ARL13B: variants seen among roughly 807,000 people sequenced by gnomAD.
ARL13B encodes the protein ADP-ribosylation factor-like protein 13B.
ARL13B carries 36 observed loss-of-function variants against 56.1 expected under a neutral mutation model. That is an observed-to-expected ratio of 0.64 (90% CI 0.49 to 0.85). The LOEUF is 0.85. ARL13B is among the 40% of genes least tolerant of loss of function. The pLI, the probability that ARL13B is intolerant of heterozygous loss-of-function variation, is 0.00. For missense variants in ARL13B, 519 were observed against 507.1 expected, an observed-to-expected ratio of 1.02 and a Z score of -0.23; for synonymous variants, 178 against 171.1, an observed-to-expected ratio of 1.04 and a Z score of -0.32.
chr3:94,035,125 T>C (rs907304050), intron 3 of ARL13B, among the ~76,000 whole-genome samples: 1 of 151,748 alleles, frequency 6.6e-6, no homozygotes, highest in African/African-American at 2.4e-5. Context: ...TAGTCCCAGC[T>C]ACTCTGGAGG....
intron 1 of ARL13B, among the ~76,000 whole-genome samples, chr3:93,995,331 TC>T (rs1559970932): frequency 1.3e-5 from 2 of 152,112 alleles, no homozygotes; most frequent in Non-Finnish European, 2.9e-5. Flanking sequence ...GTTTTTTTTT[TC>T]CCCCTGTGGA....
intron 9 of ARL13B, 41 bp from the exon 10 acceptor site, chr3:94,053,146 C>A: frequency 1.3e-6 from 2 of 1,502,240 alleles, no homozygotes; most frequent in Non-Finnish European, 1.8e-6. Context: ...TCTTGATGTA[C>A]CATAACTGTT....
At position 94,002,596 on chromosome 3, in the gene ARL13B, A is replaced by G. The variant is rs920703190; in HGVS notation, c.131-1063A>G. 3.3e-5 allele frequency among the ~76,000 whole-genome samples: 5 copies of G among 152,294 alleles called. No homozygotes were observed. In the South Asian group the frequency reaches 1.0e-3, roughly 32 times the overall value. ...AAAGTTTGAACTTTTCTCTGTAGCC[A>G]TGAGTCAGTATGCCATTAATCTTTC... On this transcript the variant is annotated intron_variant, in intron 2 of 9. Transcript: ENST00000394222.
Position 93,980,273 on chromosome 3 carries a change from TC to T in ARL13B, c.-150del. On this transcript the variant is annotated 5_prime_UTR_variant, in exon 1 of 10. Transcript: ENST00000394222. ...CCACGCGGTTAGCAAGGCTTAGTGC[TC>T]GGGCCGGCCGCCTTCACTTCCCTCC... 1 of 1,001,786 alleles carries T rather than the reference TC, an allele frequency of 1.0e-6. No homozygotes were observed. Among genetic ancestry groups the T allele is most frequent in the South Asian group, 1.3e-5 (1 of 75,448 alleles). The allele number at this position is 1,001,786 out of a possible 1,614,324, so 62.1% of individuals were successfully genotyped here.
intron 1 of ARL13B, chr3:93,988,879 T>C (rs1710603198): frequency 2.7e-6 from 1 of 365,600 alleles, no homozygotes; most frequent in South Asian, 2.3e-5. Context: ...AGCTGACAAG[T>C]GCGCAGATCT....
intron 3 of ARL13B, among the ~76,000 whole-genome samples, chr3:94,021,166 T>C (rs943274016): frequency 3.3e-5 from 5 of 149,582 alleles, no homozygotes; most frequent in African/African-American, 9.8e-5. Flanking sequence ...GTTTTTGTCT[T>C]TCGTGTTTAA....
chr3:94,030,577 G>A (rs921321476), intron 3 of ARL13B, among the ~76,000 whole-genome samples: 1 of 151,848 alleles, frequency 6.6e-6, no homozygotes, highest in African/African-American at 2.4e-5. Flanking sequence ...ATACACAAAC[G>A]ATCTCTAAAA....
intron 3 of ARL13B, among the ~76,000 whole-genome samples, chr3:94,030,315 C>T (rs1436448241): frequency 6.6e-6 from 1 of 152,006 alleles, no homozygotes; most frequent in Non-Finnish European, 1.5e-5. Context: ...CAACCTCTGC[C>T]TCCTGGGTTC....
At position 94,050,854 on chromosome 3, in the gene ARL13B, T is replaced by G; in HGVS notation, c.1172T>G (p.Leu391Arg). Residue 391 changes from leucine to arginine, a missense_variant, in exon 9 of 10, where the codon CTT becomes CGT. Physicochemically the swap from Leu to Arg is moderately radical, Grantham distance 102. Transcript: ENST00000394222. Reference sequence around the variant, plus strand: ...TGGGGAACCCCTAAAGTCACTAGACTTCCAAAACTTGAGCCTCTTGGTGAA... The same window carrying G: ...TGGGGAACCCCTAAAGTCACTAGACGTCCAAAACTTGAGCCTCTTGGTGAA... The part of the protein sequence containing the change: ...VGWGTPKVTR[L>R]PKLEPLGETH... The G allele has an allele frequency of 6.2e-7, 1 of 1,613,054 alleles. No homozygotes were observed. The highest frequency in any genetic ancestry group is 8.5e-7 in the Non-Finnish European group (1 of 1,179,748).
At chr3:94,033,200 T>C (rs1335992244) in intron 3 of ARL13B, among the ~76,000 whole-genome samples, 1 of 152,116 alleles carries the variant, frequency 6.6e-6, no homozygotes, top group Non-Finnish European at 1.5e-5. Flanking sequence ...TTAATAGACA[T>C]TGGAGACTTG....
chr3:94,027,551 A>ACAT (rs1259748221), intron 3 of ARL13B, among the ~76,000 whole-genome samples: 1 of 152,080 alleles, frequency 6.6e-6, no homozygotes, highest in African/African-American at 2.4e-5. Context: ...TGTGAAGATA[A>ACAT]TGTGTTCGAG....
intron 3 of ARL13B, among the ~76,000 whole-genome samples, chr3:94,009,502 C>A (rs1454245900): frequency 6.6e-6 from 1 of 151,990 alleles, no homozygotes; most frequent in East Asian, 1.9e-4. Context: ...TTGAATCAAA[C>A]ATACTTTTAG....
At chr3:94,006,585 C>T (rs184862610) in intron 3 of ARL13B, among the ~76,000 whole-genome samples, 98 of 152,224 alleles carry the variant, frequency 6.4e-4, no homozygotes, top group Middle Eastern at 3.4e-3. Context: ...TTGCCTGCCC[C>T]CCAAGCTCTC....
Position 94,039,844 on chromosome 3 carries a change from C to T in ARL13B, c.690-36C>T, listed in dbSNP as rs747322495. ...TCTTTAACATGGTTCAGCACTTTCT[C>T]AAAGGAAATTTCAATTATTTTTCCT... On this transcript the variant is annotated intron_variant, in intron 5 of 9. Transcript: ENST00000394222. 12 of 1,588,580 alleles carry T rather than the reference C, an allele frequency of 7.6e-6. No individual in the cohort carries two copies. The South Asian group carries it at 9.0e-5, about 12-fold the overall frequency.
At chr3:93,993,664 G>A (rs965818499) in intron 1 of ARL13B, among the ~76,000 whole-genome samples, 2 of 152,072 alleles carry the variant, frequency 1.3e-5, no homozygotes, top group East Asian at 1.9e-4. Flanking sequence ...AAGTTATTTT[G>A]TACTTAAATC....
Position 94,003,823 on chromosome 3 carries a change from A to G in ARL13B, c.295A>G (p.Ser99Gly). 2 of 1,613,766 alleles carry G rather than the reference A, an allele frequency of 1.2e-6. No individual in the cohort carries two copies. Among genetic ancestry groups the G allele is most frequent in the Non-Finnish European group, 1.7e-6 (2 of 1,179,730 alleles). The change falls in exon 3 of 10, where the codon AGT becomes GGT. Residue 99 changes from serine (S) to glycine (G), a missense_variant. By Grantham distance (56) the Ser-to-Gly change is moderately conservative. Transcript: ENST00000394222. Reference protein sequence around the residue: ...SYGVIFVVDSSDEERMEETKE... With the variant: ...SYGVIFVVDSGDEERMEETKE... ...TGGGGTAATATTTGTTGTGGATTCCAGTGATGAAGAGAGAATGGAAGAGAC... is the reference window on the plus strand; with the variant it reads ...TGGGGTAATATTTGTTGTGGATTCCGGTGATGAAGAGAGAATGGAAGAGAC...
At chr3:94,006,151 A>C (rs1360818521) in intron 3 of ARL13B, among the ~76,000 whole-genome samples, 1 of 152,070 alleles carries the variant, frequency 6.6e-6, no homozygotes, top group South Asian at 2.1e-4. Flanking sequence ...AATATAAAAA[A>C]TTAGCCGGGC....
At chr3:93,984,894 G>A (rs1334466696) in intron 1 of ARL13B, among the ~76,000 whole-genome samples, 3 of 151,702 alleles carry the variant, frequency 2.0e-5, no homozygotes, top group East Asian at 1.9e-4. Flanking sequence ...CCTGTAGTCC[G>A]AGCTACTTGG....
chr3:94,045,950 C>CAAAAAAAAAAAA (rs1199964643), intron 7 of ARL13B, among the ~76,000 whole-genome samples: 3 of 44,398 alleles, frequency 6.8e-5, no homozygotes, highest in African/African-American at 1.1e-4. Context: ...GACTCCATCA[C>CAAAAAAAAAAAA]AAAAAAAAAA....
Sources: allele counts gnomAD v4.1 joint callset (sites outside exome capture counted in the v4.1 genomes callset), GRCh38; gene constraint gnomAD v4.1.1; transcripts MANE v1.5; gene names NCBI Gene and HGNC (gene_info 2026-07-23, HGNC 2026-07-21).